CUX1: variants seen among roughly 807,000 people sequenced by gnomAD.
CUX1 encodes protein CASP.
Under a neutral mutation model 158.8 loss-of-function variants are expected in CUX1, and 31 were observed. That is an observed-to-expected ratio of 0.20 (90% CI 0.15 to 0.26). The LOEUF (loss-of-function observed/expected upper bound fraction) is 0.26. Ranked by LOEUF, CUX1 falls within the 10% of genes least tolerant of loss-of-function variation. The pLI, the probability that CUX1 is intolerant of heterozygous loss-of-function variation, is 1.00. For missense variants in CUX1, 1,589 were observed against 2,014.6 expected (o/e 0.79, Z 4.04); for synonymous variants, 879 against 862.1 (o/e 1.02, Z -0.34).
chr7:102,109,401 C>T (rs1168298745), intron 6 of CUX1, among the ~76,000 whole-genome samples: 1 of 152,112 alleles, frequency 6.6e-6, no homozygotes, highest in Non-Finnish European at 1.5e-5. Context: ...CTTGTGTTGG[C>T]AGAGTATACG....
Position 102,253,892 on chromosome 7 carries a change from G to A in CUX1, c.*4850G>A. The A allele has an allele frequency of 1.0e-6, 1 of 985,774 alleles. No homozygotes were observed. Among genetic ancestry groups the A allele is most frequent in the Non-Finnish European group, 1.2e-6 (1 of 830,212 alleles). The allele number at this position is 985,774 out of a possible 1,614,324, so 61.1% of individuals were successfully genotyped here. ...CGGTGGGGGGCCCTGTCCCTCCCCAGATGTCCTCCCTCTTCTTCACACTCC... is the reference window on the plus strand; with the variant it reads ...CGGTGGGGGGCCCTGTCCCTCCCCAAATGTCCTCCCTCTTCTTCACACTCC... On this transcript the variant is annotated 3_prime_UTR_variant, in exon 24 of 24. Transcript: ENST00000292535.
intron 9 of CUX1, among the ~76,000 whole-genome samples, chr7:102,162,571 A>G (rs186768051): frequency 2.6e-5 from 4 of 151,644 alleles, no homozygotes; most frequent in African/African-American, 4.9e-5. Context: ...GGCACCACGC[A>G]TGGCTAATTT....
chr7:102,138,161 G>A (rs1554499220), intron 8 of CUX1, among the ~76,000 whole-genome samples: 1 of 152,184 alleles, frequency 6.6e-6, no homozygotes, highest in Non-Finnish European at 1.5e-5. Flanking sequence ...CCCAGCCTGG[G>A]CAACAAAGTG....
intron 8 of CUX1, among the ~76,000 whole-genome samples, chr7:102,146,067 A>C (rs1030064983): frequency 7.9e-5 from 12 of 152,178 alleles, no homozygotes; most frequent in Non-Finnish European, 1.5e-4. Context: ...ACTTGATTTT[A>C]AAGAACAAAG....
Position 102,159,277 on chromosome 7 carries a change from C to T in CUX1, c.723+669C>T, listed in dbSNP as rs118178742. On this transcript the variant is annotated intron_variant, in intron 9 of 23. Transcript: ENST00000292535. ...GTGTTATCCTAGGAGAGTTCCTTAC[C>T]GCCACGTTCTCATGGGTCGCAGCCA... Among the ~76,000 whole-genome samples the T allele has an allele frequency of 3.1e-3, 472 of 152,190 alleles. 10 individuals are homozygous for T. The East Asian group carries it at 0.055, about 18-fold the overall frequency.
At chr7:101,837,654 C>A (rs991269765) in intron 1 of CUX1, among the ~76,000 whole-genome samples, 1 of 151,364 alleles carries the variant, frequency 6.6e-6, no homozygotes, top group African/African-American at 2.4e-5. Flanking sequence ...CATAGTGAGA[C>A]CCTCTCTACA....
intron 4 of CUX1, among the ~76,000 whole-genome samples, chr7:102,072,111 A>G (rs1284889508): frequency 3.3e-5 from 5 of 152,264 alleles, no homozygotes; most frequent in African/African-American, 4.8e-5. Flanking sequence ...GAATTGGACA[A>G]AATGCACAAA....
chr7:102,243,447 G>A (rs1554535631), intron 23 of CUX1, among the ~76,000 whole-genome samples: 1 of 151,970 alleles, frequency 6.6e-6, no homozygotes, highest in East Asian at 1.9e-4. Context: ...GAAATGAGCA[G>A]GCTCTTGAAA....
At chr7:102,090,126 G>GA (rs1828385663) in intron 4 of CUX1, among the ~76,000 whole-genome samples, 1 of 152,076 alleles carries the variant, frequency 6.6e-6, no homozygotes, top group Admixed American at 6.6e-5. Flanking sequence ...GAAATGGCTG[G>GA]AAAAAATAAC....
intron 1 of CUX1, among the ~76,000 whole-genome samples, chr7:101,872,858 A>C (rs1798717588): frequency 6.6e-6 from 1 of 151,920 alleles, no homozygotes; most frequent in Non-Finnish European, 1.5e-5. Flanking sequence ...TCCTTTTTAA[A>C]ATCTCTGAGC....
At chr7:101,826,238 T>C (rs1218836941) in intron 1 of CUX1, among the ~76,000 whole-genome samples, 1 of 152,070 alleles carries the variant, frequency 6.6e-6, no homozygotes, top group Non-Finnish European at 1.5e-5. Context: ...TCTTGCTCTG[T>C]TGCCGGCTGG....
intron 20 of CUX1, among the ~76,000 whole-genome samples, chr7:102,210,180 T>C (rs2132127721): frequency 6.6e-6 from 1 of 152,336 alleles, no homozygotes; most frequent in South Asian, 2.1e-4. Context: ...CACTGCAACC[T>C]ACACCTCCGG....
chr7:102,192,002 C>T (rs965540688), intron 12 of CUX1, among the ~76,000 whole-genome samples: 4 of 152,212 alleles, frequency 2.6e-5, no homozygotes, highest in Non-Finnish European at 4.4e-5. Context: ...CTGTTGCGTC[C>T]GCACATGACA....
intron 1 of CUX1, among the ~76,000 whole-genome samples, chr7:101,821,656 CTTTTTTTCTTTTTTCT>C (rs1391591866): frequency 3.9e-4 from 37 of 94,534 alleles, no homozygotes; most frequent in Non-Finnish European, 5.6e-4. Context: ...CTTTTCTTTT[CTTTTTTTCTTTTTTCT>C]TTTTTTTTTT....
At chr7:102,070,519 C>T in intron 4 of CUX1, 102 bp downstream of exon 4, 1 of 826,546 alleles carries the variant, frequency 1.2e-6, no homozygotes, top group Non-Finnish European at 1.9e-6. Flanking sequence ...AAAATAAATA[C>T]ACCATCAGTG....
chr7:102,019,537 A>G lies in CUX1; in HGVS notation c.142-8561A>G, dbSNP rs548710166. 2.0e-5 allele frequency among the ~76,000 whole-genome samples: 3 copies of G among 152,002 alleles called. No individual in the cohort carries two copies. The South Asian group carries it at 6.2e-4, about 32-fold the overall frequency. On this transcript the variant is annotated intron_variant, in intron 2 of 23. Coordinates refer to ENST00000292535, the MANE Select transcript of CUX1 (RefSeq NM_181552.4). ...ACCATGCCCGGTCTCATCATCAGACAAGTCTTGCAGATCCCCTCTTGATCA... is the reference window on the plus strand; with the variant it reads ...ACCATGCCCGGTCTCATCATCAGACGAGTCTTGCAGATCCCCTCTTGATCA...
At chr7:102,150,644 C>A (rs1835545119) in intron 8 of CUX1, among the ~76,000 whole-genome samples, 1 of 152,174 alleles carries the variant, frequency 6.6e-6, no homozygotes, top group South Asian at 2.1e-4. Flanking sequence ...ACGCGTTAGC[C>A]CCCAGGAGGC....
chr7:102,010,691 G>C (rs1585264040), intron 2 of CUX1, among the ~76,000 whole-genome samples: 1 of 152,238 alleles, frequency 6.6e-6, no homozygotes, highest in East Asian at 1.9e-4. Context: ...ATAGGATGAA[G>C]AGGTGTCTAA....
At chr7:102,045,302 A>G (rs1200747006) in intron 3 of CUX1, among the ~76,000 whole-genome samples, 1 of 152,216 alleles carries the variant, frequency 6.6e-6, no homozygotes, top group South Asian at 2.1e-4. Flanking sequence ...TTTCAGTCAG[A>G]TATGTTGAGG....
Sources: allele counts gnomAD v4.1 joint callset (sites outside exome capture counted in the v4.1 genomes callset), GRCh38; gene constraint gnomAD v4.1.1; transcripts MANE v1.5; gene names NCBI Gene and HGNC (gene_info 2026-07-23, HGNC 2026-07-21).